Variants in DTWD2 observed in about 807,000 individuals in gnomAD.
DTWD2 encodes the protein tRNA-uridine aminocarboxypropyltransferase 2.
DTWD2 carries 39 observed loss-of-function variants against 31.8 expected under a neutral mutation model. The observed-to-expected ratio is 1.22, with a 90% CI of 0.95 to 1.60. The LOEUF (loss-of-function observed/expected upper bound fraction) is 1.60. DTWD2 is among the 40% of genes most tolerant of loss of function. The pLI is 0.00. For synonymous variants in DTWD2, 180 were observed against 142.8 expected, an observed-to-expected ratio of 1.26 and a Z score of -1.86; for missense variants, 515 against 381.5, an observed-to-expected ratio of 1.35 and a Z score of -2.92.
rs1470173688 is a variant in DTWD2, at chr5:118,838,469, T to C, written c.*2448A>G. 6.6e-6 allele frequency: 1 copy of C among 152,192 alleles called. No individual in the cohort carries two copies. The highest frequency in any genetic ancestry group is 1.9e-4 in the East Asian group (1 of 5,198). 9.4% of individuals were successfully genotyped at this position (152,192 alleles called of 1,614,324 possible). ...AAAAAAGTAATTTTTAAAAGCCTGATTAATTTTTCAATTAAAATACTCAGA... is the reference window on the plus strand; with the variant it reads ...AAAAAAGTAATTTTTAAAAGCCTGACTAATTTTTCAATTAAAATACTCAGA... On this transcript the variant is annotated 3_prime_UTR_variant, in exon 6 of 6. Coordinates refer to ENST00000510708, the MANE Select transcript of DTWD2 (RefSeq NM_173666.4).
In DTWD2 at chr5:118,839,746, C is replaced by A. The variant is rs1751666806; in HGVS notation, c.*1171G>T. 2 of 152,038 alleles carry A rather than the reference C, an allele frequency of 1.3e-5. No individual in the cohort carries two copies. The highest frequency in any genetic ancestry group is 1.3e-4 in the Admixed American group (2 of 15,254). 9.4% of individuals were successfully genotyped at this position (152,038 alleles called of 1,614,324 possible). On this transcript the variant is annotated 3_prime_UTR_variant, in exon 6 of 6. Coordinates refer to ENST00000510708, the MANE Select transcript of DTWD2 (RefSeq NM_173666.4). Reference sequence around the variant, plus strand: ...TTTAAAATATTTTCTGCATAGTTTCCCCAAATATTAGCATTCTAATTGTGA... The same window carrying A: ...TTTAAAATATTTTCTGCATAGTTTCACCAAATATTAGCATTCTAATTGTGA...
chr5:118,888,744 ACTCT>A (rs1388303857), intron 4 of DTWD2, among the ~76,000 whole-genome samples: 1 of 152,108 alleles, frequency 6.6e-6, no homozygotes, highest in Non-Finnish European at 1.5e-5. Flanking sequence ...AGTTTCAGTT[ACTCT>A]CCACAGCTTT....
intron 4 of DTWD2, among the ~76,000 whole-genome samples, chr5:118,856,745 T>C (rs1321029882): frequency 6.6e-6 from 1 of 150,696 alleles, no homozygotes; most frequent in African/African-American, 2.4e-5. Context: ...ATCCTTTACC[T>C]TCACTCCATT....
chr5:118,903,769 G>GC (rs1753267121), intron 4 of DTWD2, among the ~76,000 whole-genome samples: 1 of 151,742 alleles, frequency 6.6e-6, no homozygotes, highest in South Asian at 2.1e-4. Context: ...GTTACGAGGG[G>GC]CAACAAAAGC....
chr5:118,949,718 G>A (rs748568866), intron 1 of DTWD2, among the ~76,000 whole-genome samples: 15 of 152,062 alleles, frequency 9.9e-5, no homozygotes, highest in Non-Finnish European at 2.1e-4. Context: ...TAGGAATAGA[G>A]GTGTCTCATA....
chr5:118,884,260 C>T (rs991378166), intron 4 of DTWD2, among the ~76,000 whole-genome samples: 1 of 152,204 alleles, frequency 6.6e-6, no homozygotes, highest in Admixed American at 6.5e-5. Context: ...AACTCACCCA[C>T]AGAACCTGAA....
rs1293147790 is a variant in DTWD2, at chr5:118,841,065, G to T, written c.749C>A (p.Ala250Asp). The T allele has an allele frequency of 6.2e-7, 1 of 1,612,448 alleles. No homozygotes were observed. The highest frequency in any genetic ancestry group is 8.5e-7 in the Non-Finnish European group (1 of 1,179,124). ...IQETLLRPLQ[A>D]LCSFQLQHGA... Reference sequence around the variant, plus strand: ...ATGCTGAAGTTGAAAGGAGCATAAAGCTTGAAGAGGGCGAAGCAAAGTCTG... The same window carrying T: ...ATGCTGAAGTTGAAAGGAGCATAAATCTTGAAGAGGGCGAAGCAAAGTCTG... Residue 250 changes from alanine (A) to aspartate (D), a missense_variant, in exon 6 of 6, where the codon GCT becomes GAT. Physicochemically the swap from Ala to Asp is moderately radical, Grantham distance 126. Coordinates refer to ENST00000510708, the MANE Select transcript of DTWD2 (RefSeq NM_173666.4).
At chr5:118,948,392 A>C (rs1754386739) in intron 1 of DTWD2, among the ~76,000 whole-genome samples, 1 of 152,104 alleles carries the variant, frequency 6.6e-6, no homozygotes, top group Non-Finnish European at 1.5e-5. Context: ...GAGGCCAGGG[A>C]ATGGCATGAA....
chr5:118,842,705 G>A (rs754547348), intron 5 of DTWD2, among the ~76,000 whole-genome samples: 1 of 151,884 alleles, frequency 6.6e-6, no homozygotes, highest in Admixed American at 6.6e-5. Context: ...GGCTGATGCA[G>A]GAGGATTGCT....
Position 118,837,039 on chromosome 5 carries a change from T to C in DTWD2, c.*3878A>G, listed in dbSNP as rs747487520. On this transcript the variant is annotated 3_prime_UTR_variant, in exon 6 of 6. Transcript: ENST00000510708. ...ACTGTTAAGACCACTACAGTATCTTTTGTTTAAAAACATGCTATGTAAGGA... is the reference window on the plus strand; with the variant it reads ...ACTGTTAAGACCACTACAGTATCTTCTGTTTAAAAACATGCTATGTAAGGA... Among the ~76,000 whole-genome samples, 6 of 152,224 alleles carry C rather than the reference T, an allele frequency of 3.9e-5. No individual in the cohort carries two copies. Among genetic ancestry groups the C allele is most frequent in the Non-Finnish European group, 8.8e-5 (6 of 68,038 alleles).
At chr5:118,852,853 T>C (rs901367041) in intron 4 of DTWD2, among the ~76,000 whole-genome samples, 2 of 152,154 alleles carry the variant, frequency 1.3e-5, no homozygotes, top group African/African-American at 4.8e-5. Flanking sequence ...GAAAACGTGG[T>C]ACATATACAT....
intron 1 of DTWD2, among the ~76,000 whole-genome samples, chr5:118,945,978 C>G (rs1330723863): frequency 2.0e-5 from 3 of 152,100 alleles, no homozygotes; most frequent in African/African-American, 7.2e-5. Flanking sequence ...CTCAATTTTA[C>G]TTATTGTGGA....
At chr5:118,936,607 C>T (rs1370432183) in intron 3 of DTWD2, among the ~76,000 whole-genome samples, 2 of 151,854 alleles carry the variant, frequency 1.3e-5, no homozygotes, top group Admixed American at 6.6e-5. Context: ...GAGTTTGAGA[C>T]GAGGCCAGTC....
intron 5 of DTWD2, among the ~76,000 whole-genome samples, chr5:118,847,547 C>G (rs1160165745): frequency 6.6e-6 from 1 of 151,858 alleles, no homozygotes; most frequent in East Asian, 1.9e-4. Context: ...ATGAAATCAT[C>G]ATGCTTTCAT....
At chr5:118,907,515 G>A (rs553547438) in intron 4 of DTWD2, among the ~76,000 whole-genome samples, 1 of 152,244 alleles carries the variant, frequency 6.6e-6, no homozygotes, top group East Asian at 1.9e-4. Flanking sequence ...CAGATCACTT[G>A]AGGTCAGCAG....
intron 4 of DTWD2, among the ~76,000 whole-genome samples, chr5:118,905,360 G>T (rs991305554): frequency 7.2e-5 from 11 of 152,066 alleles, no homozygotes; most frequent in Non-Finnish European, 1.6e-4. Flanking sequence ...GATGAGAAGA[G>T]ATGCTCCTGC....
At chr5:118,883,304 G>T (rs1273136604) in intron 4 of DTWD2, among the ~76,000 whole-genome samples, 1 of 152,062 alleles carries the variant, frequency 6.6e-6, no homozygotes, top group Non-Finnish European at 1.5e-5. Context: ...CAGCATTTTG[G>T]TCAAAACCAT....
chr5:118,852,285 T>C (rs1170794079), intron 4 of DTWD2, among the ~76,000 whole-genome samples: 1 of 152,216 alleles, frequency 6.6e-6, no homozygotes, highest in East Asian at 1.9e-4. Context: ...TACAATCAAT[T>C]TGTACAGTTA....
chr5:118,855,502 A>G (rs1008857604), intron 4 of DTWD2, among the ~76,000 whole-genome samples: 29 of 152,064 alleles, frequency 1.9e-4, no homozygotes, highest in African/African-American at 7.0e-4. Flanking sequence ...GATACCAAGT[A>G]TATTATACCA....
Sources: gnomAD v4.1 joint callset for allele counts (sites outside exome capture counted in the v4.1 genomes callset) on GRCh38, gnomAD v4.1.1 for gene constraint, MANE v1.5 for transcripts, NCBI Gene and HGNC (gene_info 2026-07-23, HGNC 2026-07-21) for gene names.